Variants in NRG3 observed in about 807,000 individuals in gnomAD.
NRG3 encodes the protein pro-neuregulin-3, membrane-bound isoform.
NRG3 carries 31 observed loss-of-function variants against 66.9 expected under a neutral mutation model. The observed-to-expected ratio is 0.46, with a 90% CI of 0.35 to 0.63. The LOEUF (loss-of-function observed/expected upper bound fraction) is 0.63. Among genes scored for constraint, NRG3 ranks in the 20% least tolerant of loss-of-function variants. NRG3 has a pLI of 0.00. For synonymous variants in NRG3, 393 were observed against 359.4 expected, an observed-to-expected ratio of 1.09 and a Z score of -1.06; for missense variants, 910 against 878.9, an observed-to-expected ratio of 1.04 and a Z score of -0.45.
chr10:82,586,536 C>T (rs1045416245), intron 2 of NRG3, among the ~76,000 whole-genome samples: 2 of 152,110 alleles, frequency 1.3e-5, no homozygotes, highest in African/African-American at 4.8e-5. Flanking sequence ...TACTTGGCTT[C>T]TCTGTGGTTT....
chr10:82,837,405 G>C (rs1591674449), intron 3 of NRG3, among the ~76,000 whole-genome samples: 1 of 152,162 alleles, frequency 6.6e-6, no homozygotes, highest in South Asian at 2.1e-4. Flanking sequence ...GCTAAGTTTT[G>C]AGGATTCCTT....
At chr10:82,506,403 A>G (rs1416176228) in intron 2 of NRG3, among the ~76,000 whole-genome samples, 3 of 152,146 alleles carry the variant, frequency 2.0e-5, no homozygotes, top group East Asian at 1.9e-4. Context: ...CTTAAATCTG[A>G]CACATCAAGT....
chr10:82,784,057 A>G (rs2060235848), intron 3 of NRG3, among the ~76,000 whole-genome samples: 2 of 152,146 alleles, frequency 1.3e-5, no homozygotes, highest in African/African-American at 4.8e-5. Flanking sequence ...AATGCTGCGT[A>G]TCTACAACGA....
intron 3 of NRG3, among the ~76,000 whole-genome samples, chr10:82,748,968 G>T (rs1211180175): frequency 1.3e-5 from 2 of 152,000 alleles, no homozygotes; most frequent in Admixed American, 6.6e-5. Context: ...TTATAATTAT[G>T]ATTCCTCACA....
At chr10:82,387,086 C>T (rs993040326) in intron 2 of NRG3, among the ~76,000 whole-genome samples, 7 of 152,248 alleles carry the variant, frequency 4.6e-5, no homozygotes, top group Admixed American at 4.6e-4. Flanking sequence ...AGGCGTAAGC[C>T]ACCGCACCCA....
At chr10:82,716,136 A>G (rs921587620) in intron 2 of NRG3, among the ~76,000 whole-genome samples, 1 of 152,200 alleles carries the variant, frequency 6.6e-6, no homozygotes, top group Non-Finnish European at 1.5e-5. Flanking sequence ...GCGATTCTGT[A>G]GAAATAATTT....
chr10:82,292,363 A>C (rs2079797624), intron 1 of NRG3, among the ~76,000 whole-genome samples: 1 of 152,168 alleles, frequency 6.6e-6, no homozygotes, highest in African/African-American at 2.4e-5. Flanking sequence ...GAGAAACTGG[A>C]CCTCTGAAAC....
At chr10:82,869,343 G>GTTACAA (rs1383111377) in intron 4 of NRG3, among the ~76,000 whole-genome samples, 1 of 152,076 alleles carries the variant, frequency 6.6e-6, no homozygotes, top group Non-Finnish European at 1.5e-5. Context: ...AGGTACATTT[G>GTTACAA]TTACAATTGA....
At chr10:82,656,887 A>G (rs1178331087) in intron 2 of NRG3, among the ~76,000 whole-genome samples, 1 of 152,118 alleles carries the variant, frequency 6.6e-6, no homozygotes, top group East Asian at 1.9e-4. Flanking sequence ...TAGGGTCTCA[A>G]GATCTGCCCT....
At chr10:82,212,066 T>C (rs143657264) in intron 1 of NRG3, among the ~76,000 whole-genome samples, 1 of 152,306 alleles carries the variant, frequency 6.6e-6, no homozygotes, top group Non-Finnish European at 1.5e-5. Flanking sequence ...TTCTTTGACT[T>C]TGGACCAAGT....
chr10:82,786,164 C>A (rs1180146550), intron 3 of NRG3, among the ~76,000 whole-genome samples: 1 of 152,122 alleles, frequency 6.6e-6, no homozygotes, highest in Admixed American at 6.6e-5. Flanking sequence ...GAAGTAGACC[C>A]TGTGACCCCA....
At chr10:82,042,416 G>A (rs2063087064) in intron 1 of NRG3, among the ~76,000 whole-genome samples, 1 of 151,984 alleles carries the variant, frequency 6.6e-6, no homozygotes, top group African/African-American at 2.4e-5. Flanking sequence ...TGTCAAAAAT[G>A]TCTCAAGATA....
chr10:82,703,382 A>C (rs924825555), intron 2 of NRG3, among the ~76,000 whole-genome samples: 32 of 152,106 alleles, frequency 2.1e-4, no homozygotes, highest in African/African-American at 5.8e-4. Flanking sequence ...ACTTACACTC[A>C]ATGACCCTAA....
intron 3 of NRG3, among the ~76,000 whole-genome samples, chr10:82,826,729 A>G (rs138567058): frequency 6.6e-6 from 1 of 152,276 alleles, no homozygotes; most frequent in African/African-American, 2.4e-5. Flanking sequence ...GGACGCAAAG[A>G]TGGGAACAAC....
chr10:81,935,623 C>A (rs561563770), intron 1 of NRG3, among the ~76,000 whole-genome samples: 1 of 152,198 alleles, frequency 6.6e-6, no homozygotes, highest in South Asian at 2.1e-4. Context: ...CCCCTCCCCA[C>A]CTTTGTTGTT....
chr10:82,302,578 T>G (rs1426859426), intron 1 of NRG3, among the ~76,000 whole-genome samples: 1 of 152,098 alleles, frequency 6.6e-6, no homozygotes, highest in Non-Finnish European at 1.5e-5. Flanking sequence ...AATTTCCTAA[T>G]ACAAACATGA....
At chr10:82,683,869 T>C (rs1256704518) in intron 2 of NRG3, among the ~76,000 whole-genome samples, 1 of 152,220 alleles carries the variant, frequency 6.6e-6, no homozygotes, top group Non-Finnish European at 1.5e-5. Flanking sequence ...ATTATTTTTC[T>C]TTACATTTTC....
intron 1 of NRG3, among the ~76,000 whole-genome samples, chr10:82,338,443 G>A (rs2082507019): frequency 6.6e-6 from 1 of 152,218 alleles, no homozygotes; most frequent in Non-Finnish European, 1.5e-5. Flanking sequence ...TTAGCAGAGT[G>A]TAGATTGGGT....
intron 3 of NRG3, among the ~76,000 whole-genome samples, chr10:82,795,096 C>A (rs1438819180): frequency 6.6e-6 from 1 of 152,142 alleles, no homozygotes; most frequent in East Asian, 1.9e-4. Context: ...TGAGTACTAT[C>A]CAGAATAATT....
Sources: allele counts gnomAD v4.1 joint callset (sites outside exome capture counted in the v4.1 genomes callset), GRCh38; gene constraint gnomAD v4.1.1; transcripts MANE v1.5; gene names NCBI Gene and HGNC (gene_info 2026-07-23, HGNC 2026-07-21).